OSTN: variants seen among roughly 807,000 people sequenced by gnomAD.
OSTN encodes the protein osteocrin.
Under a neutral mutation model 12.0 loss-of-function variants are expected in OSTN, and 9 were observed. The observed-to-expected ratio is 0.75, with a 90% CI of 0.45 to 1.30. OSTN has a LOEUF of 1.30. Among genes scored for constraint, OSTN ranks in the 50% most tolerant of loss-of-function variants. The probability of loss-of-function intolerance (pLI) is 0.00; values close to 1 mark genes in which losing one functional copy is unlikely to be tolerated. For synonymous variants in OSTN, 59 were observed against 56.9 expected, an observed-to-expected ratio of 1.04 and a Z score of -0.16; for missense variants, 148 against 152.3, an observed-to-expected ratio of 0.97 and a Z score of 0.15.
chr3:191,249,218 C>A (rs1157021792), intron 3 of OSTN, among the ~76,000 whole-genome samples: 1 of 152,206 alleles, frequency 6.6e-6, no homozygotes, highest in South Asian at 2.1e-4. Flanking sequence ...AAGATTCACA[C>A]TTCTCTTAAC....
At chr3:191,217,295 T>A (rs1714636096) in intron 2 of OSTN, 1 of 152,180 alleles carries the variant, frequency 6.6e-6, no homozygotes, top group African/African-American at 2.4e-5. Context: ...TCCTTTGACA[T>A]TTGGGGAGTA....
chr3:191,261,602 C>G (rs780591707), intron 4 of OSTN, among the ~76,000 whole-genome samples: 2 of 152,200 alleles, frequency 1.3e-5, no homozygotes, highest in Non-Finnish European at 2.9e-5. Context: ...AAAAAAACAG[C>G]TTTATGGAGC....
intron 3 of OSTN, among the ~76,000 whole-genome samples, chr3:191,234,408 G>A (rs544669244): frequency 2.6e-5 from 4 of 152,076 alleles, no homozygotes; most frequent in African/African-American, 7.2e-5. Flanking sequence ...GAGAAAAGTA[G>A]TGACTTGGCC....
At chr3:191,259,652 C>G (rs1715758396) in intron 4 of OSTN, among the ~76,000 whole-genome samples, 1 of 151,868 alleles carries the variant, frequency 6.6e-6, no homozygotes, top group Non-Finnish European at 1.5e-5. Flanking sequence ...CAACAGGGCC[C>G]CCTGACTGGG....
At chr3:191,220,216 A>G (rs1184661782) in intron 3 of OSTN, among the ~76,000 whole-genome samples, 1 of 152,174 alleles carries the variant, frequency 6.6e-6, no homozygotes, top group South Asian at 2.1e-4. Flanking sequence ...GCAATTTGCT[A>G]TACCTCTGTT....
chr3:191,233,532 G>A (rs1271561286), intron 3 of OSTN, among the ~76,000 whole-genome samples: 1 of 152,000 alleles, frequency 6.6e-6, no homozygotes, highest in African/African-American at 2.4e-5. Context: ...CACATCCCGG[G>A]TTCTAGCGAT....
chr3:191,244,357 A>G (rs1452288249), intron 3 of OSTN, among the ~76,000 whole-genome samples: 3 of 151,796 alleles, frequency 2.0e-5, no homozygotes, highest in Non-Finnish European at 4.4e-5. Flanking sequence ...CTATATCCTT[A>G]ATCTACTTTA....
chr3:191,251,089 T>C (rs1169927681), intron 4 of OSTN, among the ~76,000 whole-genome samples: 2 of 152,080 alleles, frequency 1.3e-5, no homozygotes, highest in Non-Finnish European at 2.9e-5. Flanking sequence ...ATTAAATAGA[T>C]ACATATTAAG....
intron 3 of OSTN, among the ~76,000 whole-genome samples, chr3:191,243,201 C>A (rs1051803171): frequency 2.0e-5 from 3 of 152,138 alleles, no homozygotes; most frequent in Non-Finnish European, 4.4e-5. Flanking sequence ...ATACACTGCT[C>A]TTGAGTTCGT....
chr3:191,237,518 T>G (rs1715224688), intron 3 of OSTN, among the ~76,000 whole-genome samples: 1 of 152,194 alleles, frequency 6.6e-6, no homozygotes, highest in African/African-American at 2.4e-5. Flanking sequence ...GCAGGCATCT[T>G]GGAGGTCAAG....
At chr3:191,249,211 A>G (rs562432541) in intron 3 of OSTN, among the ~76,000 whole-genome samples, 2 of 152,310 alleles carry the variant, frequency 1.3e-5, no homozygotes, top group South Asian at 2.1e-4. Flanking sequence ...CTTCATAAAG[A>G]TTCACACTTC....
chr3:191,210,216 G>A (rs1199765888), intron 1 of OSTN, among the ~76,000 whole-genome samples: 2 of 152,174 alleles, frequency 1.3e-5, no homozygotes, highest in Non-Finnish European at 2.9e-5. Context: ...ACTCTCAGGA[G>A]AGAACAGCAC....
intron 3 of OSTN, among the ~76,000 whole-genome samples, chr3:191,228,524 T>C (rs1714970000): frequency 6.6e-6 from 1 of 152,190 alleles, no homozygotes; most frequent in Admixed American, 6.5e-5. Context: ...AGTATTATCT[T>C]ATTAGAAAAT....
chr3:191,236,390 A>G (rs186135146), intron 3 of OSTN, among the ~76,000 whole-genome samples: 1 of 152,216 alleles, frequency 6.6e-6, no homozygotes, highest in Admixed American at 6.5e-5. Flanking sequence ...CACACAAGAA[A>G]GAATTTAAGG....
At chr3:191,221,241 T>C (rs962423522) in intron 3 of OSTN, among the ~76,000 whole-genome samples, 2 of 151,856 alleles carry the variant, frequency 1.3e-5, no homozygotes, top group African/African-American at 4.8e-5. Flanking sequence ...CTTTATAAAT[T>C]TCCCAGTCTC....
chr3:191,254,386 TG>T lies in OSTN; in HGVS notation c.*12+4254del, dbSNP rs1274961313. ...AGTCCGTATCAGCAGGCGTGAAGGT[TG>T]TTTACATATAAGTGGCTGTTATTTC... On this transcript the variant is annotated intron_variant, in intron 4 of 4. Transcript: ENST00000682035. 8.5e-5 allele frequency among the ~76,000 whole-genome samples: 13 copies of T among 152,356 alleles called. No homozygotes were observed. In the South Asian group the frequency reaches 1.7e-3, roughly 19 times the overall value.
At chr3:191,209,488 T>C (rs140622886) in intron 1 of OSTN, among the ~76,000 whole-genome samples, 3 of 152,322 alleles carry the variant, frequency 2.0e-5, no homozygotes, top group East Asian at 1.9e-4. Flanking sequence ...ATTGCTCCCT[T>C]CTAGAAAAGA....
At chr3:191,239,195 G>T (rs1427560131) in intron 3 of OSTN, among the ~76,000 whole-genome samples, 1 of 152,208 alleles carries the variant, frequency 6.6e-6, no homozygotes, top group Admixed American at 6.5e-5. Context: ...GCAAATGAAA[G>T]TACACTCCAT....
chr3:191,210,218 G>C (rs1714383728), intron 1 of OSTN, among the ~76,000 whole-genome samples: 1 of 152,172 alleles, frequency 6.6e-6, no homozygotes, highest in Non-Finnish European at 1.5e-5. Flanking sequence ...TCTCAGGAGA[G>C]AACAGCACCA....
Sources: gnomAD v4.1 joint callset for allele counts (sites outside exome capture counted in the v4.1 genomes callset) on GRCh38, gnomAD v4.1.1 for gene constraint, MANE v1.5 for transcripts, NCBI Gene and HGNC (gene_info 2026-07-23, HGNC 2026-07-21) for gene names.